Variants in RAB11FIP5 observed in about 807,000 individuals in gnomAD.
RAB11FIP5 encodes rab11 family-interacting protein 5.
RAB11FIP5 carries 48 observed loss-of-function variants against 85.1 expected under a neutral mutation model. The observed-to-expected ratio is 0.56, with a 90% CI of 0.45 to 0.72. RAB11FIP5 has a LOEUF of 0.72. Among genes scored for constraint, RAB11FIP5 ranks in the 30% least tolerant of loss-of-function variants. The probability of loss-of-function intolerance (pLI) is 0.00; values close to 1 mark genes in which losing one functional copy is unlikely to be tolerated. For synonymous variants in RAB11FIP5, 729 were observed against 727.3 expected (o/e 1.00, Z -0.04); for missense variants, 1,491 against 1,687.0 (o/e 0.88, Z 2.04).
intron 1 of RAB11FIP5, among the ~76,000 whole-genome samples, chr2:73,109,787 G>A (rs1172348439): frequency 6.6e-6 from 1 of 152,104 alleles, no homozygotes; most frequent in Non-Finnish European, 1.5e-5. Flanking sequence ...ATGGTCCTAA[G>A]GCTTTCCTAG....
At chr2:73,083,482 AG>A (rs1684039707) in intron 3 of RAB11FIP5, among the ~76,000 whole-genome samples, 1 of 152,124 alleles carries the variant, frequency 6.6e-6, no homozygotes, top group Non-Finnish European at 1.5e-5. Flanking sequence ...CCCCATCCAA[AG>A]GTAAATTCTC....
rs902101897 is a variant in RAB11FIP5, at chr2:73,081,021, C to T, written c.2211G>A (p.Ala737=). ...DLGPNHQSAS[A]ADPGLLGSVG... is the part of the protein sequence containing the mutation. Reference sequence around the variant, plus strand: ...CCGACCCGAGGAGCCCTGGGTCAGCCGCGCTCGCGCTCTGGTGGTTCGGTC... The same window carrying T: ...CCGACCCGAGGAGCCCTGGGTCAGCTGCGCTCGCGCTCTGGTGGTTCGGTC... Residue 737 remains alanine, a synonymous_variant, in exon 4 of 6, where the codon GCG becomes GCA. Transcript: ENST00000486777. This position sits in a 1 kb window ranked among gnomAD's most constrained non-coding sequence, Gnocchi z 4.2. The T allele has an allele frequency of 7.3e-6, 9 of 1,232,250 alleles. No individual in the cohort carries two copies. Among genetic ancestry groups the T allele is most frequent in the South Asian group, 4.1e-5 (1 of 24,330 alleles). The allele number at this position is 1,232,250 out of a possible 1,614,324, so 76.3% of individuals were successfully genotyped here. A position where few individuals can be genotyped will look rare whatever the true frequency, so the allele number is the denominator to read the frequency against.
intron 1 of RAB11FIP5, among the ~76,000 whole-genome samples, chr2:73,103,597 G>A (rs767256526): frequency 6.6e-6 from 1 of 152,160 alleles, no homozygotes; most frequent in Non-Finnish European, 1.5e-5. Flanking sequence ...TCCACCTCCT[G>A]AGACCCCAGT....
rs758551925 is a variant in RAB11FIP5, at chr2:73,089,076, CTGCCCAGGT to C, written c.662_670del (p.Asp221_Ser224delinsGly). On this transcript the variant is annotated inframe_deletion, in exon 2 of 6. Transcript: ENST00000486777. The surrounding 1 kb of genome is among the most constrained non-coding windows in gnomAD (Gnocchi z 4.6). ...TTTGGCTTTGCCCATCTTGCCCAGGCTGCCCAGGTCAGGATCCTCTATGGCGCTGCTTGG... is the reference window on the plus strand; with the variant it reads ...TTTGGCTTTGCCCATCTTGCCCAGGCCAGGATCCTCTATGGCGCTGCTTGG... 8.1e-6 allele frequency: 13 copies of C among 1,614,108 alleles called. No individual in the cohort carries two copies. In the African/African-American group the frequency reaches 1.5e-4, roughly 18 times the overall value.
At chr2:73,104,114 C>T (rs575022709) in intron 1 of RAB11FIP5, among the ~76,000 whole-genome samples, 1 of 152,312 alleles carries the variant, frequency 6.6e-6, no homozygotes, top group South Asian at 2.1e-4. Context: ...AGAAAAAACA[C>T]AACGCATTTG....
chr2:73,109,062 G>A (rs1001949416), intron 1 of RAB11FIP5, among the ~76,000 whole-genome samples: 4 of 151,778 alleles, frequency 2.6e-5, no homozygotes, highest in Admixed American at 2.6e-4. Flanking sequence ...AAAAAAAAAA[G>A]GATGTTGAAG....
Position 73,112,903 on chromosome 2 carries a change from T to TGGGCCGGGCC in RAB11FIP5, c.-136_-127dup. 1.1e-6 allele frequency: 1 copy of TGGGCCGGGCC among 907,740 alleles called. No individual in the cohort carries two copies. The highest frequency in any genetic ancestry group is 1.4e-6 in the Non-Finnish European group (1 of 699,500). 56.2% of individuals were successfully genotyped at this position (907,740 alleles called of 1,614,324 possible). ...GCGCCGCCGCAGCTGCGGGCTGGGCTGGGCCGGGCCGACCGGCCGCCGCCT... is the reference window on the plus strand; with the variant it reads ...GCGCCGCCGCAGCTGCGGGCTGGGCTGGGCCGGGCCGGGCCGGGCCGACCGGCCGCCGCCT... On this transcript the variant is annotated 5_prime_UTR_variant, in exon 1 of 6. Coordinates refer to ENST00000486777, the MANE Select transcript of RAB11FIP5 (RefSeq NM_001371272.1).
rs1326648418 is a variant in RAB11FIP5, at chr2:73,081,105, T to C, written c.2127A>G (p.Gly709=). ...EPGGGGGGGG[G]GGGRGGSSVW... ...CGCTGCTCCCACCTCTTCCTCCTCC[T>C]CCTCCTCCTCCTCCTCCTCCTCCCC... Residue 709 remains glycine (G), a synonymous_variant, in exon 4 of 6, where the codon GGA becomes GGG. Coordinates refer to ENST00000486777, the MANE Select transcript of RAB11FIP5 (RefSeq NM_001371272.1). This position sits in a 1 kb window ranked among gnomAD's most constrained non-coding sequence, Gnocchi z 4.2. 2 of 1,221,102 alleles carry C rather than the reference T, an allele frequency of 1.6e-6. No individual in the cohort carries two copies. The highest frequency in any genetic ancestry group is 2.0e-6 in the Non-Finnish European group (2 of 979,248). 75.6% of individuals were successfully genotyped at this position (1,221,102 alleles called of 1,614,324 possible).
chr2:73,080,001 G>C lies in RAB11FIP5; in HGVS notation c.3231C>G (p.Leu1077=). Reference sequence around the variant, plus strand: ...TCGACCCTGGCGGGGATGCAGATGAGAGGCTGGGAGGATCTCGGCTCCCCT... The same window carrying C: ...TCGACCCTGGCGGGGATGCAGATGACAGGCTGGGAGGATCTCGGCTCCCCT... ...LFQGSRDPPS[L]SSASPPGSRE... is the part of the protein sequence containing the mutation. Residue 1077 remains leucine (L), a synonymous_variant, in exon 4 of 6, where the codon CTC becomes CTG. Coordinates refer to ENST00000486777, the MANE Select transcript of RAB11FIP5 (RefSeq NM_001371272.1). 8.1e-7 allele frequency: 1 copy of C among 1,232,256 alleles called. No homozygotes were observed. Among genetic ancestry groups the C allele is most frequent in the Non-Finnish European group, 1.0e-6 (1 of 988,046 alleles). The allele number at this position is 1,232,256 out of a possible 1,614,324, so 76.3% of individuals were successfully genotyped here. A position where few individuals can be genotyped will look rare whatever the true frequency, so the allele number is the denominator to read the frequency against.
intron 1 of RAB11FIP5, among the ~76,000 whole-genome samples, chr2:73,101,553 T>C (rs918389047): frequency 6.6e-6 from 1 of 152,162 alleles, no homozygotes; most frequent in African/African-American, 2.4e-5. Flanking sequence ...ATTTAGGGTG[T>C]ACTGACACTC....
At chr2:73,105,389 T>C (rs1684504355) in intron 1 of RAB11FIP5, among the ~76,000 whole-genome samples, 1 of 152,156 alleles carries the variant, frequency 6.6e-6, no homozygotes, top group Admixed American at 6.5e-5. Context: ...ACTACTGGTG[T>C]GCACCACCAT....
Position 73,073,890 on chromosome 2 carries a change from G to A in RAB11FIP5, c.*1631C>T, listed in dbSNP as rs868111949. 1 of 152,216 alleles carries A rather than the reference G, an allele frequency of 6.6e-6. No individual in the cohort carries two copies. Among genetic ancestry groups the A allele is most frequent in the Non-Finnish European group, 1.5e-5 (1 of 68,058 alleles). The allele number at this position is 152,216 out of a possible 1,614,324, so 9.4% of individuals were successfully genotyped here. A position where few individuals can be genotyped will look rare whatever the true frequency, so the allele number is the denominator to read the frequency against. On this transcript the variant is annotated 3_prime_UTR_variant, in exon 6 of 6. Coordinates refer to ENST00000486777, the MANE Select transcript of RAB11FIP5 (RefSeq NM_001371272.1). ...GACATCACCCAGAGGGCACGTGTCT[G>A]CCTGAGGCCTTCCAAAAGCAAGCCC... is the stretch of plus-strand genomic sequence containing the variant.
chr2:73,075,903 C>A lies in RAB11FIP5; in HGVS notation c.3771+90G>T. The A allele has an allele frequency of 1.3e-6, 2 of 1,505,524 alleles. No individual in the cohort carries two copies. Among genetic ancestry groups the A allele is most frequent in the Non-Finnish European group, 1.8e-6 (2 of 1,107,064 alleles). 93.3% of individuals were successfully genotyped at this position (1,505,524 alleles called of 1,614,324 possible). On this transcript the variant is annotated intron_variant, in intron 5 of 5. Transcript: ENST00000486777. The surrounding 1 kb of genome is among the most constrained non-coding windows in gnomAD (Gnocchi z 4.6). ...CAGGACTCTGATATGGGGGACCTGG[C>A]CTGCTCCCTGCCCCACCCTCACCAG...
At position 73,089,824 on chromosome 2, in the gene RAB11FIP5, C is replaced by T. The variant is rs1411551388; in HGVS notation, c.432-509G>A. ...ACCGTGAGCCCAGGAAAGAACAGCTCACCCAGAGGCCCAGGGCCAGGAACA... is the reference window on the plus strand; with the variant it reads ...ACCGTGAGCCCAGGAAAGAACAGCTTACCCAGAGGCCCAGGGCCAGGAACA... On this transcript the variant is annotated intron_variant, in intron 1 of 5. Coordinates refer to ENST00000486777, the MANE Select transcript of RAB11FIP5 (RefSeq NM_001371272.1). The surrounding 1 kb of genome is among the most constrained non-coding windows in gnomAD (Gnocchi z 4.6). 1.3e-5 allele frequency among the ~76,000 whole-genome samples: 2 copies of T among 151,922 alleles called. No individual in the cohort carries two copies. The highest frequency in any genetic ancestry group is 1.3e-4 in the Admixed American group (2 of 15,246).
chr2:73,090,946 T>C (rs1206727355), intron 1 of RAB11FIP5, among the ~76,000 whole-genome samples: 3 of 152,178 alleles, frequency 2.0e-5, no homozygotes, highest in Non-Finnish European at 4.4e-5. Flanking sequence ...GCCACACTAA[T>C]GCAAGATGTT....
In RAB11FIP5 at chr2:73,078,257, C is replaced by G. The variant is rs1172964297; in HGVS notation, c.3581+1394G>C. 6.6e-6 allele frequency among the ~76,000 whole-genome samples: 1 copy of G among 152,264 alleles called. No homozygotes were observed. Among genetic ancestry groups the G allele is most frequent in the Non-Finnish European group, 1.5e-5 (1 of 68,050 alleles). ...CTGGGATCCTAAACCCTGCGCCTCT[C>G]ATGGGCTCTATTTCTTCCTTTGAGG... On this transcript the variant is annotated intron_variant, in intron 4 of 5. Coordinates refer to ENST00000486777, the MANE Select transcript of RAB11FIP5 (RefSeq NM_001371272.1). The surrounding 1 kb of genome is among the most constrained non-coding windows in gnomAD (Gnocchi z 4.4).
rs370715933 is a variant in RAB11FIP5, at chr2:73,094,111, A to G, written c.432-4796T>C. ...ACTCCAGCCTGGGCAACAGAGTGAG[A>G]CTTTGTCTCAAAAAAAAAAAAAAAA... On this transcript the variant is annotated intron_variant, in intron 1 of 5. Coordinates refer to ENST00000486777, the MANE Select transcript of RAB11FIP5 (RefSeq NM_001371272.1). Among the ~76,000 whole-genome samples the G allele has an allele frequency of 1.9e-3, 252 of 131,026 alleles. 2 individuals carry two copies. Among genetic ancestry groups the G allele is most frequent in the African/African-American group, 6.9e-3 (211 of 30,440 alleles). 86.0% of individuals were successfully genotyped at this position (131,026 alleles called of 152,430 possible). A position where few individuals can be genotyped will look rare whatever the true frequency, so the allele number is the denominator to read the frequency against.
At chr2:73,106,465 G>A (rs1684527872) in intron 1 of RAB11FIP5, among the ~76,000 whole-genome samples, 1 of 152,208 alleles carries the variant, frequency 6.6e-6, no homozygotes, top group Non-Finnish European at 1.5e-5. Flanking sequence ...TCCTCCAAAT[G>A]TAGGGAGATA....
chr2:73,095,921 G>C (rs936694685), intron 1 of RAB11FIP5, among the ~76,000 whole-genome samples: 3 of 152,146 alleles, frequency 2.0e-5, no homozygotes. Flanking sequence ...GGGACCTCAG[G>C]GTTTTGTCCT....
Sources: allele counts gnomAD v4.1 joint callset (sites outside exome capture counted in the v4.1 genomes callset), GRCh38; gene constraint gnomAD v4.1.1; non-coding constraint Gnocchi (gnomAD v3.1); transcripts MANE v1.5; gene names NCBI Gene and HGNC (gene_info 2026-07-23, HGNC 2026-07-21).